Variants in PPP2R2B observed in about 807,000 individuals in gnomAD.
PPP2R2B encodes protein phosphatase 2 regulatory subunit Bbeta, also known as serine/threonine-protein phosphatase 2A 55 kDa regulatory subunit B beta isoform.
Under a neutral mutation model 46.0 loss-of-function variants are expected in PPP2R2B, and 5 were observed. That is an observed-to-expected ratio of 0.11 (90% CI 0.06 to 0.23). PPP2R2B has a LOEUF of 0.23. PPP2R2B is among the 10% of genes least tolerant of loss of function. The pLI is 1.00. For missense variants in PPP2R2B, 367 were observed against 575.0 expected, an observed-to-expected ratio of 0.64 and a Z score of 3.70; for synonymous variants, 215 against 206.7, an observed-to-expected ratio of 1.04 and a Z score of -0.34.
At chr5:147,004,652 A>G (rs765763885) in intron 1 of PPP2R2B, among the ~76,000 whole-genome samples, 8 of 152,182 alleles carry the variant, frequency 5.3e-5, no homozygotes, top group Non-Finnish European at 8.8e-5. Flanking sequence ...GCTATTATCT[A>G]CATGAATATG....
intron 5 of PPP2R2B, among the ~76,000 whole-genome samples, chr5:146,651,768 G>A (rs1209222809): frequency 2.0e-5 from 3 of 152,186 alleles, no homozygotes. Context: ...TTTGATACCA[G>A]GTGGTAGATT....
chr5:146,952,209 T>C (rs1226691007), intron 1 of PPP2R2B, among the ~76,000 whole-genome samples: 1 of 152,094 alleles, frequency 6.6e-6, no homozygotes, highest in Non-Finnish European at 1.5e-5. Context: ...ATTTTTTAAA[T>C]CCTTTTTTTG....
chr5:146,698,853 C>T (rs75010121), intron 3 of PPP2R2B, among the ~76,000 whole-genome samples: 1 of 151,546 alleles, frequency 6.6e-6, no homozygotes, highest in African/African-American at 2.4e-5. Flanking sequence ...TGGCTTTCCT[C>T]TAGCGCTGAT....
chr5:146,936,180 C>T (rs1021418370), intron 1 of PPP2R2B, among the ~76,000 whole-genome samples: 19 of 152,132 alleles, frequency 1.2e-4, no homozygotes, highest in African/African-American at 4.6e-4. Flanking sequence ...GGGTAACTTC[C>T]TGATGTGTCT....
chr5:147,018,039 GCGCGCACACACACACA>G (rs1430413496), intron 1 of PPP2R2B, among the ~76,000 whole-genome samples: 133 of 64,948 alleles, frequency 2.0e-3, no homozygotes, highest in Non-Finnish European at 2.3e-3. Context: ...ACATGCATGC[GCGCGCACACACACACA>G]CACACACACA....
chr5:146,613,923 G>C (rs1312278064), intron 7 of PPP2R2B, among the ~76,000 whole-genome samples: 1 of 128,530 alleles, frequency 7.8e-6, no homozygotes, highest in Non-Finnish European at 1.5e-5. Context: ...TGGCCATACT[G>C]CCCAAGGTAA....
intron 2 of PPP2R2B, among the ~76,000 whole-genome samples, chr5:146,702,469 T>G (rs929063382): frequency 2.0e-5 from 3 of 152,206 alleles, no homozygotes; most frequent in Admixed American, 1.3e-4. Flanking sequence ...TACAAAGGCC[T>G]GCAGGGCCAC....
intron 2 of PPP2R2B, among the ~76,000 whole-genome samples, chr5:146,709,206 G>C (rs1019948764): frequency 6.6e-6 from 1 of 152,192 alleles, no homozygotes; most frequent in Non-Finnish European, 1.5e-5. Context: ...AATACAGATA[G>C]AAGGGTCCAA....
intron 2 of PPP2R2B, among the ~76,000 whole-genome samples, chr5:146,842,423 C>G (rs942545798): frequency 6.6e-6 from 1 of 150,384 alleles, no homozygotes; most frequent in Non-Finnish European, 1.5e-5. Flanking sequence ...CATACTCTAA[C>G]CATAATTCAA....
At position 146,878,504 on chromosome 5, in the gene PPP2R2B, CT is replaced by C; in HGVS notation, c.-125+86del. 5 of 1,315,294 alleles carry C rather than the reference CT, an allele frequency of 3.8e-6. No homozygotes were observed. Among genetic ancestry groups the C allele is most frequent in the Non-Finnish European group, 4.9e-6 (5 of 1,022,354 alleles). 81.5% of individuals were successfully genotyped at this position (1,315,294 alleles called of 1,614,324 possible). ...AATGCAAAAAAGATCCCTCCTCCCC[CT>C]GGGAGAGCGGGCAGCCGCGACAAAA... is the stretch of plus-strand genomic sequence containing the variant. On this transcript the variant is annotated intron_variant, in intron 1 of 9. Coordinates refer to ENST00000394411, the MANE Select transcript of PPP2R2B (RefSeq NM_181675.4). The surrounding 1 kb of genome is among the most constrained non-coding windows in gnomAD (Gnocchi z 4.5).
At chr5:146,643,868 G>A (rs1038766713) in intron 6 of PPP2R2B, among the ~76,000 whole-genome samples, 7 of 152,304 alleles carry the variant, frequency 4.6e-5, no homozygotes, top group African/African-American at 1.7e-4. Context: ...TCCTAAACTA[G>A]GCGAGCTTCC....
intron 6 of PPP2R2B, 84 bp downstream of exon 6, chr5:146,650,463 C>A: frequency 7.6e-7 from 1 of 1,323,224 alleles, no homozygotes. Flanking sequence ...TGTTGCATTT[C>A]TATTCCATAT....
At chr5:147,017,167 A>G (rs990036290) in intron 1 of PPP2R2B, among the ~76,000 whole-genome samples, 2 of 151,636 alleles carry the variant, frequency 1.3e-5, no homozygotes, top group Non-Finnish European at 2.9e-5. Context: ...GTAGGATAAT[A>G]CAAGAGGCGA....
chr5:147,025,969 A>C (rs1755508896), intron 1 of PPP2R2B, among the ~76,000 whole-genome samples: 1 of 152,142 alleles, frequency 6.6e-6, no homozygotes, highest in African/African-American at 2.4e-5. Context: ...AAATAAAAAG[A>C]CTTTCTCTAC....
chr5:147,043,459 A>G lies in PPP2R2B; in HGVS notation c.79+12206T>C, dbSNP rs865958284. 5.9e-5 allele frequency among the ~76,000 whole-genome samples: 9 copies of G among 152,146 alleles called. 1 individual carries two copies. In the South Asian group the frequency reaches 1.9e-3, roughly 32 times the overall value. On this transcript the variant is annotated intron_variant, in intron 1 of 8. Transcript: ENST00000336640. ...AGACGGTCGTCAGCAAGCCAAGGAG[A>G]GAGACCCTAGGAGAAACCAGCCTGC...
At chr5:146,719,376 T>C (rs865986875) in intron 2 of PPP2R2B, among the ~76,000 whole-genome samples, 3 of 152,372 alleles carry the variant, frequency 2.0e-5, no homozygotes, top group Middle Eastern at 6.8e-3. Context: ...AGAATGACTT[T>C]AGGTGTCAGA....
Position 146,980,702 on chromosome 5 carries a change from T to C in PPP2R2B, c.79+74963A>G, listed in dbSNP as rs182256148. ...TTATGGTAATGTGGTCTCTGTTATATTGATTTACAGTATCTTTTGCATGTA... is the reference window on the plus strand; with the variant it reads ...TTATGGTAATGTGGTCTCTGTTATACTGATTTACAGTATCTTTTGCATGTA... On this transcript the variant is annotated intron_variant, in intron 1 of 8. Transcript: ENST00000336640. Among the ~76,000 whole-genome samples, 638 of 152,348 alleles carry C rather than the reference T, an allele frequency of 4.2e-3. 3 individuals are homozygous for C. Among genetic ancestry groups the C allele is most frequent in the African/African-American group, 0.015 (604 of 41,586 alleles).
At chr5:146,984,777 G>A (rs78685385) in intron 1 of PPP2R2B, among the ~76,000 whole-genome samples, 3,407 of 151,986 alleles carry the variant, frequency 0.022, 147 homozygotes, top group African/African-American at 0.077. Context: ...TGACAGGTGT[G>A]AGAGGATATT....
At chr5:147,074,441 T>G (rs978426612) in intron 2 of PPP2R2B, among the ~76,000 whole-genome samples, 1 of 152,204 alleles carries the variant, frequency 6.6e-6, no homozygotes, top group Non-Finnish European at 1.5e-5. Context: ...TCATTTAGGC[T>G]AAGATCTGTG....
Sources: gnomAD v4.1 joint callset for allele counts (sites outside exome capture counted in the v4.1 genomes callset) on GRCh38, gnomAD v4.1.1 for gene constraint, Gnocchi (gnomAD v3.1) non-coding constraint, MANE v1.5 for transcripts, NCBI Gene and HGNC (gene_info 2026-07-23, HGNC 2026-07-21) for gene names.